CDC25C: variants seen among roughly 807,000 people sequenced by gnomAD.
CDC25C encodes the protein cell division cycle 25C.
A neutral mutation model predicts 52.5 loss-of-function variants in CDC25C; 48 were observed. The ratio of observed to expected loss-of-function variants is 0.91; its 90% CI spans 0.72 to 1.16. The LOEUF (loss-of-function observed/expected upper bound fraction) is 1.16. Among genes scored for constraint, CDC25C ranks in the 50% most tolerant of loss-of-function variants. The pLI is 0.00. For missense variants in CDC25C, 510 were observed against 566.1 expected (o/e 0.90, Z 1.01); for synonymous variants, 187 against 206.5 (o/e 0.91, Z 0.81).
rs750499337 is a variant in CDC25C, at chr5:138,287,162, G to A, written c.1026+7C>T. 1.1e-4 allele frequency: 178 copies of A among 1,599,096 alleles called. 1 individual carries two copies. The highest frequency in any genetic ancestry group is 4.5e-4 in the East Asian group (20 of 44,800). ...CTCCCCTACTAATGGCCACAATGTC[G>A]TCTCACCTGGATGTGTCCTCCCAGA... On this transcript the variant is annotated splice_region_variant and intron_variant, in intron 11 of 13. Coordinates refer to ENST00000323760, the MANE Select transcript of CDC25C (RefSeq NM_001790.5).
intron 2 of CDC25C, 55 bp downstream of exon 2, chr5:138,330,932 C>A (rs1760321480): frequency 7.9e-7 from 1 of 1,270,410 alleles, no homozygotes; most frequent in Non-Finnish European, 1.1e-6. Context: ...ACAAACAAAC[C>A]CAACTGTTTG....
intron 7 of CDC25C, among the ~76,000 whole-genome samples, chr5:138,313,050 G>T (rs1214629377): frequency 6.6e-6 from 1 of 152,026 alleles, no homozygotes; most frequent in Non-Finnish European, 1.5e-5. Context: ...GGAAGGGGGA[G>T]AAGATGGGGA....
chr5:138,330,460 T>C (rs1760273061), intron 2 of CDC25C, among the ~76,000 whole-genome samples: 1 of 152,228 alleles, frequency 6.6e-6, no homozygotes, highest in Non-Finnish European at 1.5e-5. Context: ...TCACATCATT[T>C]GATTCTCACA....
At chr5:138,301,180 A>G (rs1181932831) in intron 7 of CDC25C, among the ~76,000 whole-genome samples, 1 of 152,200 alleles carries the variant, frequency 6.6e-6, no homozygotes, top group African/African-American at 2.4e-5. Flanking sequence ...ATGATTTTTT[A>G]AAAAGATCAA....
At chr5:138,333,539 AAATC>A (rs1349793835), upstream of CDC25C, 1 of 152,208 alleles carries the variant, frequency 6.6e-6, no homozygotes, top group African/African-American at 2.4e-5. Flanking sequence ...GTGAGTTTGA[AAATC>A]AGGCTGGGGA....
At chr5:138,337,597 G>A (rs944248360) in intron 1 of CDC25C, 2 of 287,726 alleles carry the variant, frequency 7.0e-6, no homozygotes, top group African/African-American at 2.3e-5. Flanking sequence ...GGGCTATCCT[G>A]AGCTTTACAA....
rs1319272257 is a variant in CDC25C at position 138,285,730 on chromosome 5, C to A, written c.1384G>T (p.Glu462Ter). ...TCCTTCACCAGAAGGGCAATCTGCTCCCGCAGCTGCCGCTCCCCTTCCTGC... is the reference window on the plus strand; with the variant it reads ...TCCTTCACCAGAAGGGCAATCTGCTACCGCAGCTGCCGCTCCCCTTCCTGC... Reference protein sequence around the residue: ...KVQEGERQLREQIALLVKDMS... With the variant: ...KVQEGERQLR Residue 462 changes from glutamate to a stop codon, truncating the protein, a stop_gained, in exon 14 of 14, where the codon GAG (glutamate) becomes TAG (stop). Transcript: ENST00000323760. LOFTEE classifies it high-confidence loss of function. 1 of 1,614,206 alleles carries A rather than the reference C, an allele frequency of 6.2e-7. No homozygotes were observed. The highest frequency in any genetic ancestry group is 2.2e-5 in the East Asian group (1 of 44,888).
chr5:138,323,029 C>T (rs968485643), intron 6 of CDC25C, among the ~76,000 whole-genome samples: 3 of 151,572 alleles, frequency 2.0e-5, no homozygotes, highest in Non-Finnish European at 2.9e-5. Flanking sequence ...AATCTCAGCT[C>T]ATTGCAACCT....
intron 7 of CDC25C, among the ~76,000 whole-genome samples, chr5:138,298,765 A>T (rs560441917): frequency 3.9e-5 from 6 of 151,986 alleles, no homozygotes; most frequent in East Asian, 1.9e-4. Context: ...AAAATAAAAT[A>T]AAAATAAAAT....
At chr5:138,330,753 C>T (rs931718303) in intron 2 of CDC25C, among the ~76,000 whole-genome samples, 1 of 152,220 alleles carries the variant, frequency 6.6e-6, no homozygotes, top group African/African-American at 2.4e-5. Flanking sequence ...AGGCGATCCG[C>T]CCTCCTTGGC....
In CDC25C at chr5:138,331,216, T is replaced by C. The variant is rs780582187; in HGVS notation, c.-36A>G. On this transcript the variant is annotated splice_region_variant and 5_prime_UTR_variant, in exon 2 of 14. Transcript: ENST00000323760. The stretch of plus-strand genomic sequence containing the variant: ...TTCTCACCAGGAGAAAAACAAAACC[T>C]AGCTAGGAGGAAAACGTCATCTAAA... 6.3e-5 allele frequency: 101 copies of C among 1,597,990 alleles called. No individual in the cohort carries two copies. The highest frequency in any genetic ancestry group is 8.1e-5 in the Non-Finnish European group (94 of 1,166,316).
At chr5:138,326,641 G>A (rs1018008602) in intron 4 of CDC25C, among the ~76,000 whole-genome samples, 4 of 152,020 alleles carry the variant, frequency 2.6e-5, no homozygotes, top group South Asian at 2.1e-4. Context: ...GCACCCGGCC[G>A]GGGCTAACTT....
At chr5:138,309,715 A>ATTTTT (rs56020082) in intron 7 of CDC25C, among the ~76,000 whole-genome samples, 4 of 132,866 alleles carry the variant, frequency 3.0e-5, no homozygotes, top group Non-Finnish European at 4.7e-5. Context: ...GGCTCTCAAA[A>ATTTTT]TTTTTTTTTT....
chr5:138,335,553 G>C (rs1479262406), upstream of CDC25C: 1 of 152,212 alleles, frequency 6.6e-6, no homozygotes, highest in Non-Finnish European at 1.5e-5. Flanking sequence ...GCATAATTAA[G>C]ATGCAGTTCA....
intron 1 of CDC25C, chr5:138,337,836 G>T (rs1760819706): frequency 3.6e-6 from 2 of 559,226 alleles, no homozygotes; most frequent in Non-Finnish European, 2.8e-6. Context: ...GTCGTGGAGG[G>T]CGGGGCAGCA....
intron 7 of CDC25C, among the ~76,000 whole-genome samples, chr5:138,295,788 T>G (rs1757133585): frequency 6.6e-6 from 1 of 152,154 alleles, no homozygotes; most frequent in Admixed American, 6.5e-5. Flanking sequence ...CAGAAGCTGG[T>G]GTGGGAAGAT....
exon 1 of CDC25C, chr5:138,338,299 G>A (rs1760868731): frequency 1.5e-6 from 1 of 649,052 alleles, no homozygotes; most frequent in Middle Eastern, 3.2e-4. Context: ...GGGAGCTGGA[G>A]GAACCGCGGT....
intron 7 of CDC25C, among the ~76,000 whole-genome samples, chr5:138,302,858 A>G (rs930776265): frequency 2.0e-5 from 3 of 151,694 alleles, no homozygotes; most frequent in Non-Finnish European, 4.4e-5. Context: ...CCAGGAGTTC[A>G]AGACCAGCCT....
intron 4 of CDC25C, among the ~76,000 whole-genome samples, chr5:138,326,461 C>T (rs1274335723): frequency 6.6e-6 from 1 of 151,994 alleles, no homozygotes; most frequent in African/African-American, 2.4e-5. Context: ...CCTGCCTCAG[C>T]CTCCTGAGTA....
Sources: allele counts gnomAD v4.1 joint callset (sites outside exome capture counted in the v4.1 genomes callset), GRCh38; gene constraint gnomAD v4.1.1; transcripts MANE v1.5; gene names NCBI Gene and HGNC (gene_info 2026-07-23, HGNC 2026-07-21).